The following CRB1 variants were observed in gnomAD, a reference collection of about 807,000 sequenced individuals.
CRB1 encodes protein crumbs homolog 1.
In CRB1, 83 loss-of-function variants were observed where a neutral mutation model predicts 120.0. That is an observed-to-expected ratio of 0.69 (90% confidence interval 0.58 to 0.83). The LOEUF (loss-of-function observed/expected upper bound fraction) is 0.83. Ranked by LOEUF, CRB1 falls within the 40% of genes least tolerant of loss-of-function variation. The pLI, the probability that CRB1 is intolerant of heterozygous loss-of-function variation, is 0.00. For missense variants in CRB1, 1,699 were observed against 1,687.6 expected (o/e 1.01, Z -0.12); for synonymous variants, 625 against 612.5 (o/e 1.02, Z -0.30).
chr1:197,363,950 A>G (rs1660921686), intron 5 of CRB1: 1 of 1,334,536 alleles, frequency 7.5e-7, no homozygotes. Flanking sequence ...CGGCGGTATT[A>G]TGAGAAGCCA....
At position 197,427,572 on chromosome 1, in the gene CRB1, A is replaced by G. The variant is rs1287491012; in HGVS notation, c.2247A>G (p.Ser749=). ...TGTTTGTCCGAACGCTTCAACCATC[A>G]GGCTTACTTCTAGCTTTGGAAAACA... ...LSMFVRTLQP[S]GLLLALENST... Residue 749 remains serine, a synonymous_variant, in exon 7 of 12, where the codon TCA becomes TCG. Coordinates refer to ENST00000367400, the MANE Select transcript of CRB1 (RefSeq NM_201253.3). The G allele has an allele frequency of 6.2e-7, 1 of 1,613,884 alleles. No homozygotes were observed. Among genetic ancestry groups the G allele is most frequent in the Non-Finnish European group, 8.5e-7 (1 of 1,179,980 alleles).
intron 1 of CRB1, among the ~76,000 whole-genome samples, chr1:197,319,181 T>C (rs1009398799): frequency 2.8e-5 from 4 of 145,348 alleles, no homozygotes; most frequent in African/African-American, 1.0e-4. Context: ...AATAGAAGTT[T>C]GGGGGGCTGA....
chr1:197,344,329 T>G lies in CRB1; in HGVS notation c.701T>G (p.Leu234Ter). 1 of 1,614,206 alleles carries G rather than the reference T, an allele frequency of 6.2e-7. No individual in the cohort carries two copies. Among genetic ancestry groups the G allele is most frequent in the East Asian group, 2.2e-5 (1 of 44,890 alleles). Reference sequence around the variant, plus strand: ...GACGAATGTTGGTCCCAGCCTTGTTTAAATGGTGCAACTTGTCAGGATGCT... The same window carrying G: ...GACGAATGTTGGTCCCAGCCTTGTTGAAATGGTGCAACTTGTCAGGATGCT... ...EIDECWSQPC[L>*]NGATCQDALG... Residue 234 changes from leucine (L) to a stop codon, truncating the protein, a stop_gained, in exon 3 of 12, where the codon TTA becomes TGA. Coordinates refer to ENST00000367400, the MANE Select transcript of CRB1 (RefSeq NM_201253.3). LOFTEE classifies it high-confidence loss of function.
the CRB1 span, among the ~76,000 whole-genome samples, chr1:197,249,747 A>C: frequency 6.6e-5 from 10 of 152,014 alleles, no homozygotes; most frequent in African/African-American, 2.4e-4. Flanking sequence ...AGAGGCAGAA[A>C]ATTAGGACCT....
At chr1:197,378,028 G>A (rs1661736779) in intron 5 of CRB1, among the ~76,000 whole-genome samples, 1 of 152,194 alleles carries the variant, frequency 6.6e-6, no homozygotes, top group Admixed American at 6.5e-5. Flanking sequence ...TTTCCGTAGA[G>A]CTGCCCTTGC....
intron 6 of CRB1, among the ~76,000 whole-genome samples, chr1:197,422,237 A>T (rs1286948616): frequency 6.6e-6 from 1 of 152,194 alleles, no homozygotes. Context: ...TGTTTGCAAA[A>T]TGCTACTGCA....
chr1:197,442,355 T>C (rs1665493553), intron 11 of CRB1, 63 bp downstream of exon 11: 1 of 1,612,394 alleles, frequency 6.2e-7, no homozygotes, highest in Non-Finnish European at 8.5e-7. Context: ...AGCTTCTTTC[T>C]TACCTCATTT....
chr1:197,217,295 C>T, the CRB1 span, among the ~76,000 whole-genome samples: 2 of 152,098 alleles, frequency 1.3e-5, no homozygotes, highest in African/African-American at 4.8e-5. Context: ...CAACATCAAA[C>T]ATGTGACCCA....
At chr1:197,265,827 C>A (rs766713127), upstream of CRB1, among the ~76,000 whole-genome samples, 1 of 152,122 alleles carries the variant, frequency 6.6e-6, no homozygotes, top group Non-Finnish European at 1.5e-5. Context: ...TTGTGGACAA[C>A]GGCAATATCC....
At position 197,380,093 on chromosome 1, in the gene CRB1, G is replaced by A. The variant is rs538075233; in HGVS notation, c.1171+23080G>A. On this transcript the variant is annotated intron_variant, in intron 5 of 11. Transcript: ENST00000367400. ...GAGGCAGATAAAGAAAAAAATGATC[G>A]AGATTTTCTACTTAACACCTCGGTT... 5.3e-5 allele frequency among the ~76,000 whole-genome samples: 8 copies of A among 152,236 alleles called. No individual in the cohort carries two copies. The South Asian group carries it at 6.2e-4, about 12-fold the overall frequency.
intron 8 of CRB1, among the ~76,000 whole-genome samples, chr1:197,429,902 C>T (rs1664793767): frequency 1.3e-5 from 2 of 152,148 alleles, no homozygotes; most frequent in African/African-American, 2.4e-5. Context: ...ATTTCCTTCC[C>T]TCATTACTGG....
intron 5 of CRB1, among the ~76,000 whole-genome samples, chr1:197,362,147 T>C (rs1451860759): frequency 6.6e-6 from 1 of 152,090 alleles, no homozygotes; most frequent in Non-Finnish European, 1.5e-5. Flanking sequence ...TTAGAAATTT[T>C]TCTCTTGTCT....
the CRB1 span, chr1:197,222,389 G>C: frequency 1.3e-6 from 1 of 765,014 alleles, no homozygotes; most frequent in Non-Finnish European, 2.4e-6. Flanking sequence ...ACCTTTCTTG[G>C]CCAGGACTTG....
intron 5 of CRB1, among the ~76,000 whole-genome samples, chr1:197,405,533 G>A (rs1228462104): frequency 1.1e-4 from 16 of 151,790 alleles, no homozygotes; most frequent in Non-Finnish European, 2.1e-4. Context: ...CTGCCTGGCC[G>A]CCCATCGTCT....
intron 11 of CRB1, among the ~76,000 whole-genome samples, chr1:197,453,273 A>G (rs1171113817): frequency 4.1e-5 from 6 of 146,162 alleles, no homozygotes; most frequent in African/African-American, 1.5e-4. Flanking sequence ...ACTTGTGTAT[A>G]TATATATATA....
intron 1 of CRB1, among the ~76,000 whole-genome samples, chr1:197,297,607 G>A (rs1656608052): frequency 6.6e-6 from 1 of 152,090 alleles, no homozygotes; most frequent in Admixed American, 6.6e-5. Context: ...AGGAAAGAGG[G>A]ATGTGCTAGA....
At chr1:197,416,755 G>A (rs961378071) in intron 5 of CRB1, among the ~76,000 whole-genome samples, 1 of 151,874 alleles carries the variant, frequency 6.6e-6, no homozygotes, top group Non-Finnish European at 1.5e-5. Flanking sequence ...TGTTGCCCCG[G>A]CTGGAGTGCA....
At chr1:197,235,716 TAAGTTTTAG>T in the CRB1 span, among the ~76,000 whole-genome samples, 1 of 152,264 alleles carries the variant, frequency 6.6e-6, no homozygotes, top group South Asian at 2.1e-4. Flanking sequence ...GTTAAGTACC[TAAGTTTTAG>T]AGTGGTTTGT....
At chr1:197,476,575 C>A (rs576099357) in intron 11 of CRB1, among the ~76,000 whole-genome samples, 25 of 152,010 alleles carry the variant, frequency 1.6e-4, no homozygotes, top group African/African-American at 6.0e-4. Context: ...GTGAGTAGAT[C>A]CCAGACAATA....
Sources: gnomAD v4.1 joint callset for allele counts (sites outside exome capture counted in the v4.1 genomes callset) on GRCh38, gnomAD v4.1.1 for gene constraint, MANE v1.5 for transcripts, NCBI Gene and HGNC (gene_info 2026-07-23, HGNC 2026-07-21) for gene names.